Variants in TTC7A observed in about 807,000 individuals in gnomAD.
TTC7A encodes the protein tetratricopeptide repeat protein 7A.
Under a neutral mutation model 103.7 loss-of-function variants are expected in TTC7A, and 110 were observed. The ratio of observed to expected loss-of-function variants is 1.06; its 90% CI spans 0.91 to 1.24. The LOEUF (loss-of-function observed/expected upper bound fraction) is 1.24, where lower values mean the gene tolerates loss of function less well. Among genes scored for constraint, TTC7A ranks in the 50% most tolerant of loss-of-function variants. The probability of loss-of-function intolerance (pLI) is 0.00; values close to 1 mark genes in which losing one functional copy is unlikely to be tolerated. For synonymous variants in TTC7A, 521 were observed against 467.9 expected (o/e 1.11, Z -1.47); for missense variants, 1,340 against 1,116.3 (o/e 1.20, Z -2.86).
In TTC7A at chr2:47,074,035, C is replaced by A; in HGVS notation, c.*112C>A. ...GGTGCGGGGCCTCAGGGAAATACAT[C>A]TTTAGTGAACGCCTCTGCAGCTGCA... is the stretch of plus-strand genomic sequence containing the variant. On this transcript the variant is annotated 3_prime_UTR_variant, in exon 20 of 20. Coordinates refer to ENST00000319190, the MANE Select transcript of TTC7A (RefSeq NM_020458.4). The A allele has an allele frequency of 1.3e-6, 1 of 760,740 alleles. No individual in the cohort carries two copies. Among genetic ancestry groups the A allele is most frequent in the Non-Finnish European group, 2.1e-6 (1 of 473,350 alleles). 47.1% of individuals were successfully genotyped at this position (760,740 alleles called of 1,614,324 possible).
chr2:47,071,624 G>C (rs1015078152), intron 19 of TTC7A, among the ~76,000 whole-genome samples: 15 of 152,214 alleles, frequency 9.9e-5, no homozygotes, highest in African/African-American at 3.6e-4. Flanking sequence ...CACAGCACTT[G>C]TCAGTGGCAG....
intron 3 of TTC7A, among the ~76,000 whole-genome samples, chr2:46,957,593 G>A (rs1286388479): frequency 6.6e-6 from 1 of 152,238 alleles, no homozygotes; most frequent in Non-Finnish European, 1.5e-5. Flanking sequence ...GGGTCAAGGG[G>A]TGCTCTGGAG....
At chr2:46,996,345 A>G (rs1182619685) in intron 8 of TTC7A, among the ~76,000 whole-genome samples, 1 of 152,186 alleles carries the variant, frequency 6.6e-6, no homozygotes, top group African/African-American at 2.4e-5. Context: ...ATAGGTTTTT[A>G]AAAAAACGAC....
chr2:47,043,451 C>T (rs1045568903), intron 15 of TTC7A, among the ~76,000 whole-genome samples: 5 of 152,162 alleles, frequency 3.3e-5, no homozygotes, highest in African/African-American at 9.7e-5. Flanking sequence ...ACGGATGAGT[C>T]CCGGAGCCTG....
chr2:46,953,990 G>A (rs1490578175), intron 2 of TTC7A, among the ~76,000 whole-genome samples: 1 of 152,030 alleles, frequency 6.6e-6, no homozygotes, highest in Non-Finnish European at 1.5e-5. Flanking sequence ...ACCCAAGAAA[G>A]GTGATCACAA....
chr2:47,031,200 C>T (rs746406251), intron 15 of TTC7A, among the ~76,000 whole-genome samples: 10 of 151,824 alleles, frequency 6.6e-5, no homozygotes, highest in Non-Finnish European at 1.3e-4. Context: ...CCCGCAAAGG[C>T]GAGTAGCTTA....
chr2:47,010,368 C>T (rs1572897767), intron 10 of TTC7A, among the ~76,000 whole-genome samples: 1 of 152,318 alleles, frequency 6.6e-6, no homozygotes, highest in South Asian at 2.1e-4. Context: ...CAGATTTGGC[C>T]TGTGAACTGT....
intron 11 of TTC7A, among the ~76,000 whole-genome samples, chr2:47,012,765 G>A (rs931010611): frequency 2.0e-5 from 3 of 152,168 alleles, no homozygotes; most frequent in African/African-American, 7.2e-5. Flanking sequence ...CAGGGAGTCA[G>A]TCCTCCCAAG....
At chr2:46,991,444 G>A (rs1675625410) in intron 5 of TTC7A, among the ~76,000 whole-genome samples, 1 of 151,928 alleles carries the variant, frequency 6.6e-6, no homozygotes, top group Non-Finnish European at 1.5e-5. Flanking sequence ...GACCAGGCTG[G>A]GCAACATAGC....
rs559692859 is a variant in TTC7A, at chr2:46,983,264, G to C, written c.764+4357G>C. On this transcript the variant is annotated intron_variant, in intron 5 of 19. Coordinates refer to ENST00000319190, the MANE Select transcript of TTC7A (RefSeq NM_020458.4). ...TGGGCTGCTTGGACCACTTGTGCCA[G>C]AGATGGGGCTGAGGACGGCCCGGGG... Among the ~76,000 whole-genome samples, 43 of 152,356 alleles carry C rather than the reference G, an allele frequency of 2.8e-4. No individual in the cohort carries two copies. In the South Asian group the frequency reaches 7.9e-3, roughly 28 times the overall value.
intron 2 of TTC7A, among the ~76,000 whole-genome samples, chr2:46,927,010 G>A (rs1669418695): frequency 6.6e-6 from 1 of 151,968 alleles, no homozygotes; most frequent in Non-Finnish European, 1.5e-5. Context: ...CACGAAAAGA[G>A]AGAATCAGTA....
At chr2:47,024,526 G>GGA (rs1679669820) in intron 14 of TTC7A, among the ~76,000 whole-genome samples, 167 bp downstream of exon 14, 1 of 152,144 alleles carries the variant, frequency 6.6e-6, no homozygotes, top group African/African-American at 2.4e-5. Flanking sequence ...GGGCCAGTAA[G>GGA]GATGAGGTCA....
chr2:46,947,885 C>T (rs1297454656), intron 1 of TTC7A, among the ~76,000 whole-genome samples: 2 of 152,204 alleles, frequency 1.3e-5, no homozygotes, highest in African/African-American at 4.8e-5. Flanking sequence ...TTTTAAGTTT[C>T]TGCACTCATC....
At chr2:46,997,425 G>A (rs977392918) in intron 8 of TTC7A, among the ~76,000 whole-genome samples, 2 of 152,072 alleles carry the variant, frequency 1.3e-5, no homozygotes, top group Non-Finnish European at 2.9e-5. Flanking sequence ...ATTATGTTGA[G>A]TCATATGAAA....
intron 3 of TTC7A, among the ~76,000 whole-genome samples, chr2:46,957,460 G>A (rs1166649255): frequency 2.0e-5 from 3 of 152,230 alleles, no homozygotes; most frequent in Non-Finnish European, 4.4e-5. Context: ...GCTGGATGCT[G>A]TAGGAGTCTG....
At chr2:47,069,366 A>G (rs773391664) in intron 19 of TTC7A, among the ~76,000 whole-genome samples, 4 of 152,124 alleles carry the variant, frequency 2.6e-5, no homozygotes, top group Non-Finnish European at 4.4e-5. Flanking sequence ...GTTCTTCTAC[A>G]TCTCACTTGT....
At chr2:47,023,564 A>G (rs1273296160) in intron 13 of TTC7A, 99 bp downstream of exon 13, 13 of 1,259,430 alleles carry the variant, frequency 1.0e-5, no homozygotes, top group Non-Finnish European at 9.2e-6. Context: ...CAGAACAAAC[A>G]TTTCTATCTC....
chr2:47,064,214 G>C (rs958382568), intron 19 of TTC7A, among the ~76,000 whole-genome samples: 1 of 152,220 alleles, frequency 6.6e-6, no homozygotes, highest in Non-Finnish European at 1.5e-5. Flanking sequence ...GCTGGCTGCC[G>C]TCTGTGCCAG....
At chr2:47,061,893 GC>G (rs561531176) in intron 19 of TTC7A, among the ~76,000 whole-genome samples, 193 of 152,328 alleles carry the variant, frequency 1.3e-3, no homozygotes, top group Non-Finnish European at 2.0e-3. Flanking sequence ...TAATCTAGGA[GC>G]CCACAGTTAG....
Sources: allele counts gnomAD v4.1 joint callset (sites outside exome capture counted in the v4.1 genomes callset), GRCh38; gene constraint gnomAD v4.1.1; transcripts MANE v1.5; gene names NCBI Gene and HGNC (gene_info 2026-07-23, HGNC 2026-07-21).